RAB8B: variants seen among roughly 807,000 people sequenced by gnomAD.
RAB8B encodes RAB8B, member RAS oncogene family, also known as ras-related protein Rab-8B.
A neutral mutation model predicts 32.0 loss-of-function variants in RAB8B; 11 were observed. The ratio of observed to expected loss-of-function variants is 0.34; its 90% CI spans 0.22 to 0.57. The LOEUF (loss-of-function observed/expected upper bound fraction) is 0.57, where lower values mean the gene tolerates loss of function less well. Among genes scored for constraint, RAB8B ranks in the 20% least tolerant of loss-of-function variants. The probability of loss-of-function intolerance (pLI) is 0.86; values close to 1 mark genes in which losing one functional copy is unlikely to be tolerated. For synonymous variants in RAB8B, 103 were observed against 89.6 expected (o/e 1.15, Z -0.85); for missense variants, 190 against 258.5 (o/e 0.73, Z 1.82).
chr15:63,214,795 C>G (rs1595737524), intron 1 of RAB8B, among the ~76,000 whole-genome samples: 1 of 152,222 alleles, frequency 6.6e-6, no homozygotes. Context: ...TGTTTCTTAT[C>G]TTTTCCTCCT....
At chr15:63,257,995 GGAGGTTGCAGT>G (rs776570455) in intron 5 of RAB8B, among the ~76,000 whole-genome samples, 19 of 151,216 alleles carry the variant, frequency 1.3e-4, no homozygotes, top group Non-Finnish European at 2.5e-4. Context: ...CCCAGGAGGC[GGAGGTTGCAGT>G]GAGCTGAGAT....
chr15:63,257,920 A>G (rs1251617890), intron 5 of RAB8B, among the ~76,000 whole-genome samples: 5 of 151,410 alleles, frequency 3.3e-5, no homozygotes, highest in Admixed American at 1.3e-4. Flanking sequence ...TTAGCCGGGC[A>G]TGGTGGCGTG....
rs2038089390 is a variant in RAB8B, at chr15:63,248,495, G to C, written c.186-1150G>C. Among the ~76,000 whole-genome samples, 2 of 152,162 alleles carry C rather than the reference G, an allele frequency of 1.3e-5. No individual in the cohort carries two copies. Among genetic ancestry groups the C allele is most frequent in the Admixed American group, 1.3e-4 (2 of 15,284 alleles). Reference sequence around the variant, plus strand: ...CCACTGGACCCCAGCCTGGGTGACAGAGCGAGACTCCATCTCAAAAACAAA... The same window carrying C: ...CCACTGGACCCCAGCCTGGGTGACACAGCGAGACTCCATCTCAAAAACAAA... On this transcript the variant is annotated intron_variant, in intron 2 of 7. Coordinates refer to ENST00000321437, the MANE Select transcript of RAB8B (RefSeq NM_016530.3). The surrounding 1 kb of genome is among the most constrained non-coding windows in gnomAD (Gnocchi z 4.4).
chr15:63,215,069 A>G (rs1435642657), intron 1 of RAB8B, among the ~76,000 whole-genome samples: 1 of 152,112 alleles, frequency 6.6e-6, no homozygotes, highest in African/African-American at 2.4e-5. Context: ...CAAATACCAT[A>G]TTTGTCAATA....
At chr15:63,236,467 T>C (rs2037981247) in intron 1 of RAB8B, among the ~76,000 whole-genome samples, 1 of 152,202 alleles carries the variant, frequency 6.6e-6, no homozygotes, top group Non-Finnish European at 1.5e-5. Context: ...TGTTTCCAGC[T>C]GGGTGGGCTG....
chr15:63,255,686 C>A lies in RAB8B; in HGVS notation c.324+102C>A, dbSNP rs2038153597. ...GCAGCTGAGCTGCTTAGAAGCAGGG[C>A]ATGGGCAGGTTGGGCCCTCTCTCTC... On this transcript the variant is annotated intron_variant, in intron 4 of 7. Transcript: ENST00000321437. The A allele has an allele frequency of 1.5e-5, 14 of 940,298 alleles. No homozygotes were observed. The East Asian group carries it at 3.5e-4, about 23-fold the overall frequency. 58.2% of individuals were successfully genotyped at this position (940,298 alleles called of 1,614,324 possible).
intron 1 of RAB8B, among the ~76,000 whole-genome samples, chr15:63,235,672 T>C (rs7170265): frequency 0.057 from 8,570 of 149,672 alleles, 748 homozygotes; most frequent in African/African-American, 0.19. Context: ...TATAAAAATA[T>C]ACTATATATA....
intron 1 of RAB8B, among the ~76,000 whole-genome samples, chr15:63,215,325 A>G (rs1414960767): frequency 2.0e-5 from 3 of 152,234 alleles, no homozygotes; most frequent in African/African-American, 7.2e-5. Flanking sequence ...AAGTGTTCCA[A>G]AAATTGTCTT....
At chr15:63,225,631 T>C (rs577192607) in intron 1 of RAB8B, among the ~76,000 whole-genome samples, 1 of 150,226 alleles carries the variant, frequency 6.7e-6, no homozygotes, top group Non-Finnish European at 1.5e-5. Context: ...ATATTGTCTT[T>C]AGCAAAGACA....
At chr15:63,206,879 A>G (rs1196068054) in intron 1 of RAB8B, among the ~76,000 whole-genome samples, 1 of 152,100 alleles carries the variant, frequency 6.6e-6, no homozygotes, top group Non-Finnish European at 1.5e-5. Flanking sequence ...CACTCAGGTC[A>G]TCATGACCTC....
Position 63,255,489 on chromosome 15 carries a change from T to C in RAB8B, c.247-18T>C. The C allele has an allele frequency of 6.6e-7, 1 of 1,526,106 alleles. No individual in the cohort carries two copies. The highest frequency in any genetic ancestry group is 9.1e-7 in the Non-Finnish European group (1 of 1,104,834). The allele number at this position is 1,526,106 out of a possible 1,614,324, so 94.5% of individuals were successfully genotyped here. A position where few individuals can be genotyped will look rare whatever the true frequency, so the allele number is the denominator to read the frequency against. On this transcript the variant is annotated intron_variant, in intron 3 of 7. Coordinates refer to ENST00000321437, the MANE Select transcript of RAB8B (RefSeq NM_016530.3). ...AAATATATAAAGTACTAAATAAAGATATTTTTCCCCCTTATAGGGCATTAT... is the reference window on the plus strand; with the variant it reads ...AAATATATAAAGTACTAAATAAAGACATTTTTCCCCCTTATAGGGCATTAT...
chr15:63,251,378 C>T (rs994962479), intron 3 of RAB8B: 50 of 449,986 alleles, frequency 1.1e-4, no homozygotes, highest in South Asian at 7.1e-4. Flanking sequence ...ACACACATGC[C>T]TTTCTGTTGA....
intron 3 of RAB8B, among the ~76,000 whole-genome samples, chr15:63,251,063 A>G (rs1347470898): frequency 6.6e-6 from 1 of 151,868 alleles, no homozygotes; most frequent in African/African-American, 2.4e-5. Flanking sequence ...CCACAAAAAG[A>G]TTAGGGATTC....
intron 6 of RAB8B, among the ~76,000 whole-genome samples, chr15:63,262,152 C>T (rs1469425854): frequency 6.6e-6 from 1 of 152,126 alleles, no homozygotes; most frequent in African/African-American, 2.4e-5. Flanking sequence ...TTTATTCACT[C>T]ATTAAACCAG....
Position 63,259,747 on chromosome 15 carries a change from T to G in RAB8B, c.480+55T>G, listed in dbSNP as rs1595751908. 4.1e-6 allele frequency: 6 copies of G among 1,475,172 alleles called. No homozygotes were observed. In the East Asian group the frequency reaches 1.4e-4, roughly 33 times the overall value. 91.4% of individuals were successfully genotyped at this position (1,475,172 alleles called of 1,614,324 possible). On this transcript the variant is annotated intron_variant, in intron 6 of 7. Coordinates refer to ENST00000321437, the MANE Select transcript of RAB8B (RefSeq NM_016530.3). The surrounding 1 kb of genome is among the most constrained non-coding windows in gnomAD (Gnocchi z 4.4). The stretch of plus-strand genomic sequence containing the variant: ...GGAGCAGCACCAGTGCTTAGGGGCC[T>G]GTGTTCAAACAGCTCTCAGAGCTTT...
intron 3 of RAB8B, among the ~76,000 whole-genome samples, chr15:63,252,224 T>A (rs771282714): frequency 3.3e-5 from 5 of 152,128 alleles, no homozygotes; most frequent in Non-Finnish European, 5.9e-5. Context: ...GAATGATTTC[T>A]GCTATTGAAA....
intron 2 of RAB8B, 43 bp downstream of exon 2, chr15:63,244,859 T>C: frequency 6.9e-7 from 1 of 1,458,202 alleles, no homozygotes; most frequent in Admixed American, 2.1e-5. Flanking sequence ...AATTGGGAAT[T>C]GAAAGTAGGA....
rs1050102403 is a variant in RAB8B at position 63,263,832 on chromosome 15, G to A, written c.*213G>A. On this transcript the variant is annotated 3_prime_UTR_variant, in exon 8 of 8. Transcript: ENST00000321437. ...TTTCAAACATGGAAGCAATGAAGTG[G>A]AGACACATGCAGGACCTAACTCGTT... The A allele has an allele frequency of 1.4e-5, 7 of 492,366 alleles. No individual in the cohort carries two copies. Among genetic ancestry groups the A allele is most frequent in the Non-Finnish European group, 2.5e-5 (7 of 276,586 alleles). 30.5% of individuals were successfully genotyped at this position (492,366 alleles called of 1,614,324 possible).
intron 1 of RAB8B, among the ~76,000 whole-genome samples, chr15:63,224,325 G>A (rs938927560): frequency 3.3e-5 from 5 of 152,168 alleles, no homozygotes; most frequent in Non-Finnish European, 4.4e-5. Context: ...AAATGGCCAA[G>A]TACATTTGAC....
Sources: gnomAD v4.1 joint callset for allele counts (sites outside exome capture counted in the v4.1 genomes callset) on GRCh38, gnomAD v4.1.1 for gene constraint, Gnocchi (gnomAD v3.1) non-coding constraint, MANE v1.5 for transcripts, NCBI Gene and HGNC (gene_info 2026-07-23, HGNC 2026-07-21) for gene names.